Variants in RABEPK observed in about 807,000 individuals in gnomAD.
RABEPK encodes the protein 40 kDa Rab9 effector protein.
RABEPK carries 27 observed loss-of-function variants against 34.1 expected under a neutral mutation model. That is an observed-to-expected ratio of 0.79 (90% CI 0.58 to 1.09). The LOEUF (loss-of-function observed/expected upper bound fraction) is 1.09. Among genes scored for constraint, RABEPK ranks in the 50% least tolerant of loss-of-function variants. The pLI is 0.00. For missense variants in RABEPK, 449 were observed against 462.6 expected, an observed-to-expected ratio of 0.97 and a Z score of 0.27; for synonymous variants, 172 against 169.2, an observed-to-expected ratio of 1.02 and a Z score of -0.13.
chr9:125,205,155 T>A (rs763174543), intron 2 of RABEPK, among the ~76,000 whole-genome samples: 1 of 152,040 alleles, frequency 6.6e-6, no homozygotes, highest in Non-Finnish European at 1.5e-5. Context: ...ACTTCAGATC[T>A]CTCTCCAAAT....
intron 5 of RABEPK, among the ~76,000 whole-genome samples, chr9:125,223,894 G>C (rs1268070954): frequency 6.6e-6 from 1 of 152,000 alleles, no homozygotes; most frequent in Non-Finnish European, 1.5e-5. Flanking sequence ...TTGTTTCAAA[G>C]AGTTTTTGCA....
chr9:125,220,984 T>A (rs1266250113), intron 5 of RABEPK: 2 of 261,828 alleles, frequency 7.6e-6, no homozygotes, highest in Non-Finnish European at 1.4e-5. Flanking sequence ...CTGGCCAACA[T>A]ACCTTTTCTC....
chr9:125,220,688 G>T lies in RABEPK; in HGVS notation c.514G>T (p.Val172Leu), dbSNP rs762233087. The change falls in exon 5 of 8, where the codon GTG becomes TTG. Residue 172 changes from valine (V) to leucine (L), a missense_variant. By Grantham distance (32) the Val-to-Leu change is conservative (BLOSUM62 1). Transcript: ENST00000373538. ...AQPVQDTKLH[V>L]FDANTLTWSQ... ...GCCCGTGCAGGACACGAAGCTGCAT[G>T]TGTTTGACGCAAGTATGGACTGGTG... 6.2e-7 allele frequency: 1 copy of T among 1,614,100 alleles called. No homozygotes were observed. Among genetic ancestry groups the T allele is most frequent in the Admixed American group, 1.7e-5 (1 of 59,998 alleles).
chr9:125,202,766 G>A (rs1829988643), intron 1 of RABEPK, among the ~76,000 whole-genome samples: 1 of 152,034 alleles, frequency 6.6e-6, no homozygotes, highest in South Asian at 2.1e-4. Context: ...GGAGGCAGAG[G>A]TTGCCATGAG....
chr9:125,210,719 A>T (rs191993203), intron 3 of RABEPK, among the ~76,000 whole-genome samples: 32 of 151,684 alleles, frequency 2.1e-4, no homozygotes, highest in African/African-American at 6.0e-4. Context: ...AAAAAAAAAA[A>T]AAAGAAAATA....
intron 4 of RABEPK, 72 bp from the exon 5 acceptor site, chr9:125,220,467 C>T: frequency 6.5e-7 from 1 of 1,527,444 alleles, no homozygotes; most frequent in East Asian, 2.3e-5. Context: ...ACTGACTTCA[C>T]TCAGCCCCAG....
chr9:125,223,919 G>T (rs960556931), intron 5 of RABEPK, among the ~76,000 whole-genome samples: 1 of 152,026 alleles, frequency 6.6e-6, no homozygotes, highest in African/African-American at 2.4e-5. Flanking sequence ...GGGCGCAGTG[G>T]CTCATGCCCG....
At chr9:125,205,025 G>C (rs905773563) in intron 2 of RABEPK, among the ~76,000 whole-genome samples, 10 of 151,690 alleles carry the variant, frequency 6.6e-5, no homozygotes, top group African/African-American at 2.2e-4. Flanking sequence ...GTCTCGCTAT[G>C]TTGCCCAGGC....
rs995080905 is a variant in RABEPK at position 125,232,684 on chromosome 9, G to A, written c.765G>A (p.Val255=). Reference sequence around the variant, plus strand: ...CAGCTGTGGCCATGGGAAAACATGTGTACATCTTTGGTGGAATGACTCCTG... The same window carrying A: ...CAGCTGTGGCCATGGGAAAACATGTATACATCTTTGGTGGAATGACTCCTG... ...AHSAVAMGKH[V]YIFGGMTPAG... Residue 255 remains valine (V), a synonymous_variant, in exon 7 of 8, where the codon GTG becomes GTA. Transcript: ENST00000373538. The A allele has an allele frequency of 1.2e-6, 2 of 1,614,094 alleles. No homozygotes were observed. Among genetic ancestry groups the A allele is most frequent in the East Asian group, 2.2e-5 (1 of 44,878 alleles).
intron 2 of RABEPK, among the ~76,000 whole-genome samples, chr9:125,204,820 C>CATATT (rs1253773566): frequency 6.6e-6 from 1 of 151,826 alleles, no homozygotes; most frequent in Non-Finnish European, 1.5e-5. Flanking sequence ...CTTTTCCCAG[C>CATATT]TTATTTTATT....
In RABEPK at chr9:125,226,668, A is replaced by T. The variant is rs558708966; in HGVS notation, c.527-1242A>T. On this transcript the variant is annotated intron_variant, in intron 5 of 7. Transcript: ENST00000373538. ...ATCACGAGGTCAAGAGATCAAGACCAGTCTGGCCAACATGGTGATACCGCG... is the reference window on the plus strand; with the variant it reads ...ATCACGAGGTCAAGAGATCAAGACCTGTCTGGCCAACATGGTGATACCGCG... 4.7e-5 allele frequency among the ~76,000 whole-genome samples: 7 copies of T among 150,446 alleles called. 1 individual carries two copies. The South Asian group carries it at 1.5e-3, about 32-fold the overall frequency.
rs191167889 is a variant in RABEPK, at chr9:125,210,297, G to A, written c.211+2576G>A. Among the ~76,000 whole-genome samples, 3 of 151,378 alleles carry A rather than the reference G, an allele frequency of 2.0e-5. No individual in the cohort carries two copies. The East Asian group carries it at 5.8e-4, about 29-fold the overall frequency. Reference sequence around the variant, plus strand: ...GGGCACCTATAGTCCCAGCTACTCGGGGAGGCTGAGGCAGGAGAATGGCGT... The same window carrying A: ...GGGCACCTATAGTCCCAGCTACTCGAGGAGGCTGAGGCAGGAGAATGGCGT... On this transcript the variant is annotated intron_variant, in intron 3 of 7. Transcript: ENST00000373538.
chr9:125,232,594 AGGT>A lies in RABEPK; in HGVS notation c.677_679del (p.Ser226_Asp227delinsAsn). The A allele has an allele frequency of 6.2e-7, 1 of 1,610,826 alleles. No homozygotes were observed. Among genetic ancestry groups the A allele is most frequent in the Non-Finnish European group, 8.5e-7 (1 of 1,178,358 alleles). ...GCCAAAGCTCTTTCTTTCTCTTGGC[AGGT>A]GACATGAAATGGCAGAAGCTAAATC... On this transcript the variant is annotated splice_acceptor_variant and coding_sequence_variant, in exon 7 of 8. Coordinates refer to ENST00000373538, the MANE Select transcript of RABEPK (RefSeq NM_005833.4). LOFTEE classifies it high-confidence loss of function.
intron 2 of RABEPK, among the ~76,000 whole-genome samples, chr9:125,204,355 G>A (rs1324519879): frequency 1.3e-5 from 2 of 152,158 alleles, no homozygotes; most frequent in African/African-American, 4.8e-5. Context: ...GCTGAGGTGG[G>A]TGGATCACTT....
intron 5 of RABEPK, among the ~76,000 whole-genome samples, chr9:125,223,141 A>G (rs971838782): frequency 1.3e-5 from 2 of 152,028 alleles, no homozygotes; most frequent in Non-Finnish European, 2.9e-5. Flanking sequence ...TCAGCCAGGA[A>G]TGGTGGCGGG....
chr9:125,216,868 G>A (rs138278164), intron 4 of RABEPK, among the ~76,000 whole-genome samples: 3,516 of 151,986 alleles, frequency 0.023, 143 homozygotes, highest in African/African-American at 0.081. Context: ...TTGGGAGGCT[G>A]AGGCAGGAGA....
rs1244584971 is a variant in RABEPK, at chr9:125,233,919, T to G, written c.1058T>G (p.Phe353Cys). ...ACTGCTACACTGCTCTGTTTGGTGT[T>G]TGGTGGGATGAATACAGAAGGGGAA... ...SQTATLLCLV[F>C]GGMNTEGEIY... Residue 353 changes from phenylalanine (F) to cysteine (C), a missense_variant, in exon 8 of 8, where the codon TTT becomes TGT. Physicochemically the swap from Phe to Cys is radical, Grantham distance 205 (BLOSUM62 -2). Transcript: ENST00000373538. 4 of 1,613,712 alleles carry G rather than the reference T, an allele frequency of 2.5e-6. No homozygotes were observed. The South Asian group carries it at 4.4e-5, about 18-fold the overall frequency.
intron 4 of RABEPK, among the ~76,000 whole-genome samples, chr9:125,219,056 C>T (rs1347574067): frequency 6.6e-6 from 1 of 151,876 alleles, no homozygotes; most frequent in Non-Finnish European, 1.5e-5. Flanking sequence ...TAAAAAGTTA[C>T]TTAATCCATC....
intron 3 of RABEPK, among the ~76,000 whole-genome samples, chr9:125,210,420 A>G (rs1362447203): frequency 3.4e-5 from 5 of 147,714 alleles, no homozygotes; most frequent in Non-Finnish European, 7.5e-5. Context: ...AAAAAAAAAA[A>G]AAAAGGAAAT....
Sources: gnomAD v4.1 joint callset for allele counts (sites outside exome capture counted in the v4.1 genomes callset) on GRCh38, gnomAD v4.1.1 for gene constraint, MANE v1.5 for transcripts, NCBI Gene and HGNC (gene_info 2026-07-23, HGNC 2026-07-21) for gene names.